The following DOP1B variants were observed in gnomAD, a reference collection of about 807,000 sequenced individuals.
DOP1B encodes DOP1 leucine zipper like protein B, also known as protein DOP1B.
Under a neutral mutation model 233.5 loss-of-function variants are expected in DOP1B, and 174 were observed. The ratio of observed to expected loss-of-function variants is 0.75; its 90% CI spans 0.66 to 0.85. DOP1B has a LOEUF of 0.85. Ranked by LOEUF, DOP1B falls within the 40% of genes least tolerant of loss-of-function variation. The pLI, the probability that DOP1B is intolerant of heterozygous loss-of-function variation, is 0.00. For missense variants in DOP1B, 2,652 were observed against 2,846.6 expected, an observed-to-expected ratio of 0.93 and a Z score of 1.56; for synonymous variants, 1,190 against 1,185.6, an observed-to-expected ratio of 1.00 and a Z score of -0.08.
At chr21:36,237,543 AG>A in intron 16 of DOP1B, 129 bp downstream of exon 16, 14 of 1,219,712 alleles carry the variant, frequency 1.1e-5, no homozygotes, top group Non-Finnish European at 1.6e-5. Context: ...TAATAAAATA[AG>A]CAGAGGTGTT....
Position 36,234,969 on chromosome 21 carries a change from C to T in DOP1B, c.2622+1894C>T, listed in dbSNP as rs868629167. ...CATACCCATCACCTTAAGCATTTAT[C>T]ATTTCTTTGTTGTGAAAACATTCAG... On this transcript the variant is annotated intron_variant, in intron 15 of 36. Transcript: ENST00000691173. Among the ~76,000 whole-genome samples the T allele has an allele frequency of 3.3e-5, 5 of 152,312 alleles. No homozygotes were observed. In the South Asian group the frequency reaches 1.0e-3, roughly 32 times the overall value.
chr21:36,181,403 C>T (rs13046532), intron 2 of DOP1B, among the ~76,000 whole-genome samples: 5,165 of 152,172 alleles, frequency 0.034, 111 homozygotes, highest in South Asian at 0.069. Flanking sequence ...CTCAGCCTCC[C>T]GAGTAGCTGG....
At chr21:36,202,013 C>T (rs1311975205) in intron 4 of DOP1B, among the ~76,000 whole-genome samples, 1 of 151,940 alleles carries the variant, frequency 6.6e-6, no homozygotes, top group African/African-American at 2.4e-5. Context: ...GGTGAAACCC[C>T]ATATCTACTA....
chr21:36,239,029 G>A (rs1221067215), intron 17 of DOP1B, among the ~76,000 whole-genome samples: 1 of 152,260 alleles, frequency 6.6e-6, no homozygotes, highest in South Asian at 2.1e-4. Context: ...CTTGAACCCG[G>A]GAGGCAAAGG....
At chr21:36,169,315 C>CTGGTCAA (rs1167538009) in intron 2 of DOP1B, 5 of 779,658 alleles carry the variant, frequency 6.4e-6, no homozygotes, top group Non-Finnish European at 1.1e-5. Flanking sequence ...TAAGGTAGCC[C>CTGGTCAA]TGGTCAATCT....
intron 34 of DOP1B, 86 bp from the exon 35 acceptor site, chr21:36,288,959 A>G (rs2067520928): frequency 1.3e-6 from 2 of 1,542,700 alleles, no homozygotes; most frequent in South Asian, 2.4e-5. Flanking sequence ...TTAAAAAGAA[A>G]ATTCTTCTGA....
intron 11 of DOP1B, among the ~76,000 whole-genome samples, chr21:36,224,576 A>C (rs1601424855): frequency 6.6e-6 from 1 of 151,592 alleles, no homozygotes; most frequent in Non-Finnish European, 1.5e-5. Context: ...TTCATCCCAG[A>C]GTTAATCCCT....
intron 2 of DOP1B, among the ~76,000 whole-genome samples, chr21:36,195,202 G>A (rs896348158): frequency 1.1e-4 from 16 of 152,080 alleles, no homozygotes; most frequent in African/African-American, 3.4e-4. Context: ...TTAGCCAGGT[G>A]TGGTGGCACA....
intron 10 of DOP1B, 53 bp from the exon 11 acceptor site, chr21:36,223,177 TG>T: frequency 1.3e-6 from 2 of 1,528,754 alleles, no homozygotes; most frequent in East Asian, 2.4e-5. Flanking sequence ...GGACACTTTT[TG>T]TAATTCAGGA....
intron 2 of DOP1B, among the ~76,000 whole-genome samples, chr21:36,193,452 C>T (rs148561886): frequency 1.3e-5 from 2 of 152,150 alleles, no homozygotes; most frequent in Non-Finnish European, 2.9e-5. Context: ...TAGGGCAGGA[C>T]GCCTGTCACA....
intron 2 of DOP1B, among the ~76,000 whole-genome samples, chr21:36,183,807 A>G (rs1197610269): frequency 6.6e-6 from 1 of 151,612 alleles, no homozygotes. Context: ...TTGGGCTTGA[A>G]TGTATCTGGA....
chr21:36,278,170 C>A (rs1357901165), intron 29 of DOP1B, 39 bp from the exon 30 acceptor site: 1 of 1,613,434 alleles, frequency 6.2e-7, no homozygotes, highest in Non-Finnish European at 8.5e-7. Flanking sequence ...CTTGGACAGT[C>A]CTTGACCTTG....
At chr21:36,281,346 A>G (rs868378844) in intron 31 of DOP1B, 137 bp from the exon 32 acceptor site, 76 of 840,216 alleles carry the variant, frequency 9.0e-5, no homozygotes, top group South Asian at 4.6e-4. Flanking sequence ...ACATGGGAAC[A>G]GTAATCTCAT....
At chr21:36,262,609 C>T (rs1287319042) in intron 24 of DOP1B, among the ~76,000 whole-genome samples, 1 of 152,066 alleles carries the variant, frequency 6.6e-6, no homozygotes, top group Non-Finnish European at 1.5e-5. Context: ...AGAGATCAGC[C>T]GGGCACGGTG....
At chr21:36,253,747 A>G (rs2067058695) in intron 22 of DOP1B, 25 bp from the exon 23 acceptor site, 2 of 1,608,012 alleles carry the variant, frequency 1.2e-6, no homozygotes, top group African/African-American at 1.3e-5. Flanking sequence ...ATAAGCTTTC[A>G]AGGAACTTTT....
intron 1 of DOP1B, among the ~76,000 whole-genome samples, chr21:36,158,786 A>G (rs1470356905): frequency 7.2e-6 from 1 of 139,692 alleles, no homozygotes; most frequent in Non-Finnish European, 1.5e-5. Flanking sequence ...ATGGCGACAG[A>G]GCGAGACTCT....
At chr21:36,199,782 C>CA (rs1196099673) in intron 3 of DOP1B, among the ~76,000 whole-genome samples, 3 of 152,196 alleles carry the variant, frequency 2.0e-5, no homozygotes, top group African/African-American at 7.2e-5. Context: ...TTTTTTATGG[C>CA]TACATAGTAT....
chr21:36,174,148 C>A (rs2065999844), intron 2 of DOP1B, among the ~76,000 whole-genome samples: 1 of 152,176 alleles, frequency 6.6e-6, no homozygotes, highest in African/African-American at 2.4e-5. Flanking sequence ...ACCTAGTGAA[C>A]TACTCCAGCC....
intron 35 of DOP1B, among the ~76,000 whole-genome samples, chr21:36,290,235 C>T (rs2067539906): frequency 6.6e-6 from 1 of 152,172 alleles, no homozygotes; most frequent in African/African-American, 2.4e-5. Context: ...TTTTAAAAAG[C>T]AGGTTTGGGC....
Sources: gnomAD v4.1 joint callset for allele counts (sites outside exome capture counted in the v4.1 genomes callset) on GRCh38, gnomAD v4.1.1 for gene constraint, MANE v1.5 for transcripts, NCBI Gene and HGNC (gene_info 2026-07-23, HGNC 2026-07-21) for gene names.